The following STK31 variants were observed in gnomAD, a reference collection of about 807,000 sequenced individuals.
STK31 encodes serine/threonine kinase 31, also known as serine/threonine-protein kinase 31.
In STK31, 89 loss-of-function variants were observed where a neutral mutation model predicts 129.7. That is an observed-to-expected ratio of 0.69 (90% CI 0.58 to 0.82). The LOEUF (loss-of-function observed/expected upper bound fraction) is 0.82. Ranked by LOEUF, STK31 falls within the 40% of genes least tolerant of loss-of-function variation. The pLI is 0.00. For missense variants in STK31, 1,187 were observed against 1,176.4 expected, an observed-to-expected ratio of 1.01 and a Z score of -0.13; for synonymous variants, 448 against 395.3, an observed-to-expected ratio of 1.13 and a Z score of -1.58.
chr7:23,784,588 T>C (rs1791146365), intron 17 of STK31, among the ~76,000 whole-genome samples: 1 of 152,152 alleles, frequency 6.6e-6, no homozygotes, highest in Admixed American at 6.6e-5. Context: ...TTTATTGAAG[T>C]CTTTAATGGC....
chr7:23,755,963 T>A (rs1363333675), intron 10 of STK31, among the ~76,000 whole-genome samples: 1 of 152,228 alleles, frequency 6.6e-6, no homozygotes, highest in Non-Finnish European at 1.5e-5. Flanking sequence ...TGCTTAGGAT[T>A]ATCTTGGCTA....
chr7:23,710,856 T>G (rs1317448902), intron 1 of STK31: 5 of 929,416 alleles, frequency 5.4e-6, no homozygotes, highest in Non-Finnish European at 6.4e-6. Flanking sequence ...TAATTTTAAC[T>G]TTTACTGAAT....
intron 9 of STK31, among the ~76,000 whole-genome samples, chr7:23,753,816 G>C (rs748111842): frequency 2.6e-5 from 4 of 152,090 alleles, no homozygotes; most frequent in Non-Finnish European, 5.9e-5. Context: ...TTTAATATTA[G>C]AAATGTTTTG....
At chr7:23,776,608 C>T (rs13311349) in intron 15 of STK31, among the ~76,000 whole-genome samples, 31 of 151,398 alleles carry the variant, frequency 2.0e-4, no homozygotes, top group Middle Eastern at 3.4e-3. Context: ...ATTTTCTAGT[C>T]GATTTGCATA....
chr7:23,718,910 A>G (rs1786515448), intron 4 of STK31, among the ~76,000 whole-genome samples: 1 of 152,076 alleles, frequency 6.6e-6, no homozygotes, highest in Admixed American at 6.6e-5. Context: ...GCCAAAGTAG[A>G]TACTGCCAAA....
chr7:23,771,357 C>T (rs1243272348), intron 14 of STK31: 1 of 309,270 alleles, frequency 3.2e-6, no homozygotes, highest in Non-Finnish European at 5.8e-6. Context: ...TTCTTTTTGC[C>T]TGTATGAGTC....
intron 15 of STK31, among the ~76,000 whole-genome samples, chr7:23,773,112 G>T (rs575846469): frequency 6.6e-6 from 1 of 152,144 alleles, no homozygotes; most frequent in East Asian, 1.9e-4. Flanking sequence ...TGTTACATAG[G>T]TATACACGTG....
At chr7:23,738,704 C>T (rs1034022914) in intron 8 of STK31, among the ~76,000 whole-genome samples, 20 of 152,228 alleles carry the variant, frequency 1.3e-4, no homozygotes, top group South Asian at 4.2e-4. Flanking sequence ...TACAGGCACC[C>T]GCCGCCATGT....
intron 23 of STK31, among the ~76,000 whole-genome samples, chr7:23,821,356 T>C (rs2128130100): frequency 6.6e-6 from 1 of 152,292 alleles, no homozygotes; most frequent in Admixed American, 6.5e-5. Flanking sequence ...AATAGTGGCA[T>C]TCTAGCTGAT....
rs146548904 is a variant in STK31, at chr7:23,782,204, G to A, written c.2067+684G>A. 5.0e-3 allele frequency among the ~76,000 whole-genome samples: 761 copies of A among 152,102 alleles called. 2 individuals carry two copies. The highest frequency in any genetic ancestry group is 7.3e-3 in the Non-Finnish European group (493 of 67,976). On this transcript the variant is annotated intron_variant, in intron 16 of 23. Transcript: ENST00000355870. Reference sequence around the variant, plus strand: ...AGTAAAAATACTGACCGGGCATGGCGGCTCACACCTGTAGTCCCAGCACTT... The same window carrying A: ...AGTAAAAATACTGACCGGGCATGGCAGCTCACACCTGTAGTCCCAGCACTT...
At chr7:23,818,886 A>C (rs1387441155) in intron 23 of STK31, among the ~76,000 whole-genome samples, 1 of 152,120 alleles carries the variant, frequency 6.6e-6, no homozygotes, top group African/African-American at 2.4e-5. Flanking sequence ...CAGCCTCCCA[A>C]AGTTCTGGGA....
chr7:23,753,121 C>CA (rs1449384394), intron 9 of STK31, among the ~76,000 whole-genome samples: 1 of 152,138 alleles, frequency 6.6e-6, no homozygotes, highest in Non-Finnish European at 1.5e-5. Context: ...CTACCATATC[C>CA]AGTTATTTTG....
chr7:23,743,072 C>T (rs941334668), intron 8 of STK31, among the ~76,000 whole-genome samples: 7 of 151,892 alleles, frequency 4.6e-5, no homozygotes, highest in Admixed American at 2.6e-4. Context: ...CCTACTTCAG[C>T]CCCCTGAGTA....
intron 11 of STK31, 39 bp downstream of exon 11, chr7:23,762,962 A>G: frequency 6.8e-7 from 1 of 1,462,020 alleles, no homozygotes; most frequent in Middle Eastern, 2.5e-4. Flanking sequence ...GTTAAATTGT[A>G]AGTTTATTTA....
chr7:23,818,130 A>G (rs1793574758), intron 23 of STK31, among the ~76,000 whole-genome samples: 1 of 152,034 alleles, frequency 6.6e-6, no homozygotes, highest in African/African-American at 2.4e-5. Flanking sequence ...GCTTTTTTGA[A>G]ATTAGCATAT....
chr7:23,790,174 T>C (rs62470069), intron 21 of STK31, among the ~76,000 whole-genome samples: 40,042 of 152,132 alleles, frequency 0.26, 5,681 homozygotes, highest in East Asian at 0.4. Flanking sequence ...TAGTGACACA[T>C]GCTAGGCATT....
At chr7:23,805,138 T>C (rs1448837296) in intron 22 of STK31, among the ~76,000 whole-genome samples, 2 of 151,684 alleles carry the variant, frequency 1.3e-5, no homozygotes, top group Admixed American at 1.3e-4. Context: ...TGCAGTGGTG[T>C]GATCTCGGCT....
At chr7:23,750,387 C>G (rs921753030) in intron 8 of STK31, among the ~76,000 whole-genome samples, 1 of 152,156 alleles carries the variant, frequency 6.6e-6, no homozygotes, top group Non-Finnish European at 1.5e-5. Context: ...CCCTACCTAT[C>G]TCACCTTTTC....
intron 8 of STK31, among the ~76,000 whole-genome samples, chr7:23,741,645 T>A (rs1372999187): frequency 6.6e-6 from 1 of 152,206 alleles, no homozygotes; most frequent in African/African-American, 2.4e-5. Context: ...ATGTCTGCTG[T>A]GGCTACTGCT....
Sources: gnomAD v4.1 joint callset for allele counts (sites outside exome capture counted in the v4.1 genomes callset) on GRCh38, gnomAD v4.1.1 for gene constraint, MANE v1.5 for transcripts, NCBI Gene and HGNC (gene_info 2026-07-23, HGNC 2026-07-21) for gene names.